KDM4B: variants seen among roughly 807,000 people sequenced by gnomAD.
KDM4B encodes the protein lysine-specific demethylase 4B.
A neutral mutation model predicts 125.2 loss-of-function variants in KDM4B; 32 were observed. That is an observed-to-expected ratio of 0.26 (90% CI 0.19 to 0.34). The LOEUF (loss-of-function observed/expected upper bound fraction) is 0.34, where lower values mean the gene tolerates loss of function less well. Among genes scored for constraint, KDM4B ranks in the 10% least tolerant of loss-of-function variants. The probability of loss-of-function intolerance (pLI) is 1.00; values close to 1 mark genes in which losing one functional copy is unlikely to be tolerated. For missense variants in KDM4B, 1,190 were observed against 1,577.7 expected (o/e 0.75, Z 4.16); for synonymous variants, 721 against 677.9 (o/e 1.06, Z -0.99).
chr19:5,133,505 G>C (rs2039594591), intron 13 of KDM4B, among the ~76,000 whole-genome samples: 1 of 152,244 alleles, frequency 6.6e-6, no homozygotes, highest in African/African-American at 2.4e-5. Context: ...CCGGGGCAGG[G>C]CTGGGCACTG....
intron 9 of KDM4B, among the ~76,000 whole-genome samples, chr19:5,099,593 A>G (rs1022256622): frequency 1.3e-5 from 2 of 152,256 alleles, no homozygotes; most frequent in South Asian, 4.1e-4. Context: ...TTTGGCCTCC[A>G]CACCTGCTGT....
intron 9 of KDM4B, among the ~76,000 whole-genome samples, chr19:5,092,807 C>T (rs2038738356): frequency 6.6e-6 from 1 of 152,192 alleles, no homozygotes; most frequent in Non-Finnish European, 1.5e-5. Context: ...GGAGTTCTCC[C>T]CTCTGCCATC....
intron 11 of KDM4B, among the ~76,000 whole-genome samples, chr19:5,124,424 G>A (rs748713278): frequency 8.5e-5 from 13 of 152,164 alleles, no homozygotes; most frequent in Non-Finnish European, 1.8e-4. Flanking sequence ...GTCTGTCCTG[G>A]GTTCTCAGTG....
chr19:5,007,272 G>C (rs1235819788), intron 1 of KDM4B, among the ~76,000 whole-genome samples: 1 of 152,244 alleles, frequency 6.6e-6, no homozygotes, highest in African/African-American at 2.4e-5. Context: ...TGGCTCCTCT[G>C]TCATTTTCGG....
intron 9 of KDM4B, among the ~76,000 whole-genome samples, chr19:5,086,650 C>T (rs977620212): frequency 2.6e-5 from 4 of 152,208 alleles, no homozygotes; most frequent in Admixed American, 6.5e-5. Flanking sequence ...CCTCCTCCCC[C>T]CCCCAGCCCC....
intron 15 of KDM4B, among the ~76,000 whole-genome samples, chr19:5,136,240 C>T (rs10408076): frequency 0.087 from 13,266 of 152,208 alleles, 644 homozygotes; most frequent in East Asian, 0.15. Context: ...GAGATTGCAG[C>T]GTGGTCAGGG....
intron 6 of KDM4B, among the ~76,000 whole-genome samples, chr19:5,052,852 C>G (rs2037275191): frequency 6.6e-6 from 1 of 152,220 alleles, no homozygotes; most frequent in Non-Finnish European, 1.5e-5. Context: ...GAGCCAACCA[C>G]TGGGACTTCC....
chr19:5,135,288 CGCCT>C (rs747971690), intron 14 of KDM4B, 47 bp from the exon 15 acceptor site: 2 of 1,356,590 alleles, frequency 1.5e-6, no homozygotes, highest in Non-Finnish European at 2.1e-6. Context: ...GCCGCCCGCC[CGCCT>C]GCCCCACACA....
At chr19:5,112,207 T>C (rs1205718148) in intron 10 of KDM4B, 3 of 213,502 alleles carry the variant, frequency 1.4e-5, no homozygotes, top group South Asian at 8.0e-5. Context: ...GAGCCGAGAT[T>C]GTACCACTGC....
chr19:5,076,766 CGTT>C (rs1272663924), intron 7 of KDM4B: 1 of 147,352 alleles, frequency 6.8e-6, no homozygotes, highest in Admixed American at 6.8e-5. Flanking sequence ...CGTGTTGTCT[CGTT>C]GACCGAGTGA....
At chr19:5,151,194 G>A (rs1039182881) in intron 22 of KDM4B, 141 bp from the exon 23 acceptor site, 18 of 722,376 alleles carry the variant, frequency 2.5e-5, no homozygotes, top group African/African-American at 3.7e-5. Context: ...TTACAAACAC[G>A]AAAACAGGAG....
intron 10 of KDM4B, among the ~76,000 whole-genome samples, chr19:5,116,218 T>C (rs1186055248): frequency 1.2e-5 from 1 of 80,058 alleles, no homozygotes; most frequent in Admixed American, 2.1e-4. Flanking sequence ...CTGGGCAACA[T>C]AGCAAGACCA....
intron 5 of KDM4B, among the ~76,000 whole-genome samples, chr19:5,044,204 TG>T (rs1456845531): frequency 7.1e-5 from 3 of 42,380 alleles, no homozygotes; most frequent in African/African-American, 1.2e-4. Flanking sequence ...TTTATCGGAG[TG>T]GGGGTGTCCA....
chr19:5,090,346 TTC>T (rs143957456), intron 9 of KDM4B, among the ~76,000 whole-genome samples: 63 of 108,682 alleles, frequency 5.8e-4, no homozygotes, highest in Middle Eastern at 4.7e-3. Flanking sequence ...AGTGGTAACG[TTC>T]TCTCTCTCTC....
intron 6 of KDM4B, among the ~76,000 whole-genome samples, chr19:5,062,008 G>A (rs1056146617): frequency 6.6e-6 from 1 of 152,216 alleles, no homozygotes; most frequent in Non-Finnish European, 1.5e-5. Context: ...GGCTGGCCCC[G>A]CAGAATGCCA....
intron 1 of KDM4B, among the ~76,000 whole-genome samples, chr19:5,012,406 C>T (rs145642436): frequency 2.2e-4 from 34 of 152,304 alleles, no homozygotes; most frequent in Non-Finnish European, 4.1e-4. Flanking sequence ...CGGATTGCCT[C>T]TGCTTTCCCC....
At chr19:5,065,540 CA>C (rs1406379171) in intron 6 of KDM4B, among the ~76,000 whole-genome samples, 1 of 152,228 alleles carries the variant, frequency 6.6e-6, no homozygotes, top group Admixed American at 6.5e-5. Context: ...TAATTATTCA[CA>C]TCCATCAAGC....
At chr19:5,034,020 G>A (rs145255728) in intron 3 of KDM4B, among the ~76,000 whole-genome samples, 31 of 152,358 alleles carry the variant, frequency 2.0e-4, no homozygotes, top group African/African-American at 7.5e-4. Flanking sequence ...TGTGGTCCCA[G>A]CTACTCGGGA....
chr19:5,137,666 A>G lies in KDM4B; in HGVS notation c.2431A>G (p.Thr811Ala). 3 of 1,591,826 alleles carry G rather than the reference A, an allele frequency of 1.9e-6. No homozygotes were observed. The highest frequency in any genetic ancestry group is 1.7e-5 in the Admixed American group (1 of 58,462). The change falls in exon 17 of 23, where the codon ACC becomes GCC. Residue 811 changes from threonine to alanine, a missense_variant. Thr to Ala is a moderately conservative substitution (Grantham distance 58). This residue lies in a region of KDM4B where 298 missense variants were observed against 439.7 expected (regional missense o/e 0.68). Coordinates refer to ENST00000159111, the MANE Select transcript of KDM4B (RefSeq NM_015015.3). ...GCGAGGAGGTGCGCTGCAGATGACC[A>G]CCGATAGGAGGTGGGTGGCACCGCG... ...NLRGGALQMTTDRRWIHVICA... is the reference protein window; with the variant it reads ...NLRGGALQMTADRRWIHVICA...
Sources: allele counts gnomAD v4.1 joint callset (sites outside exome capture counted in the v4.1 genomes callset), GRCh38; gene constraint gnomAD v4.1.1; regional missense constraint gnomAD v4.1.1; transcripts MANE v1.5; gene names NCBI Gene and HGNC (gene_info 2026-07-23, HGNC 2026-07-21).